GFPT1: variants seen among roughly 807,000 people sequenced by gnomAD.
GFPT1 encodes glutamine--fructose-6-phosphate aminotransferase [isomerizing] 1.
Under a neutral mutation model 92.0 loss-of-function variants are expected in GFPT1, and 40 were observed. That is an observed-to-expected ratio of 0.43 (90% confidence interval 0.34 to 0.57). GFPT1 has a LOEUF of 0.57. GFPT1 is among the 20% of genes least tolerant of loss of function. The pLI is 0.02. For synonymous variants in GFPT1, 269 were observed against 280.6 expected, an observed-to-expected ratio of 0.96 and a Z score of 0.41; for missense variants, 448 against 869.1, an observed-to-expected ratio of 0.52 and a Z score of 6.09.
At chr2:69,367,344 TTTGTTGTTG>T (rs144120046) in intron 3 of GFPT1, among the ~76,000 whole-genome samples, 9 of 150,360 alleles carry the variant, frequency 6.0e-5, no homozygotes, top group South Asian at 4.2e-4. Context: ...CAACTTATTT[TTTGTTGTTG>T]TTGTTGTTGT....
In GFPT1 at chr2:69,348,371, C is replaced by G. The variant is rs376360519; in HGVS notation, c.846-37G>C. On this transcript the variant is annotated intron_variant, in intron 10 of 19. Coordinates refer to ENST00000357308, the MANE Select transcript of GFPT1 (RefSeq NM_001244710.2). ...TCAAGGAGATATTACAATCGATAACCAAGGATCATTATTACAAATGAAACT... is the reference window on the plus strand; with the variant it reads ...TCAAGGAGATATTACAATCGATAACGAAGGATCATTATTACAAATGAAACT... 48 of 1,474,396 alleles carry G rather than the reference C, an allele frequency of 3.3e-5. No individual in the cohort carries two copies. In the African/African-American group the frequency reaches 6.2e-4, roughly 19 times the overall value. The allele number at this position is 1,474,396 out of a possible 1,614,324, so 91.3% of individuals were successfully genotyped here. A position where few individuals can be genotyped will look rare whatever the true frequency, so the allele number is the denominator to read the frequency against.
At chr2:69,375,177 C>T (rs1305644672) in intron 1 of GFPT1, among the ~76,000 whole-genome samples, 1 of 152,140 alleles carries the variant, frequency 6.6e-6, no homozygotes, top group Admixed American at 6.5e-5. Context: ...CCAGAGTGGA[C>T]ACAGCTTTAA....
intron 7 of GFPT1, among the ~76,000 whole-genome samples, chr2:69,355,934 C>T (rs912319202): frequency 2.7e-5 from 4 of 150,760 alleles, no homozygotes; most frequent in African/African-American, 9.8e-5. Context: ...AACCTTGGTG[C>T]GCCCAACAAA....
chr2:69,360,114 G>A (rs1671429685), intron 4 of GFPT1, among the ~76,000 whole-genome samples: 1 of 152,074 alleles, frequency 6.6e-6, no homozygotes, highest in African/African-American at 2.4e-5. Flanking sequence ...GACCACCTGA[G>A]GTCAGGAGTT....
intron 4 of GFPT1, among the ~76,000 whole-genome samples, 200 bp from the exon 5 acceptor site, chr2:69,359,526 T>C (rs560796630): frequency 3.3e-5 from 5 of 152,318 alleles, no homozygotes; most frequent in East Asian, 3.9e-4. Context: ...TTATGTGGCA[T>C]AGCTGAAGCA....
At chr2:69,326,271 A>G in intron 19 of GFPT1, 38 bp from the exon 20 acceptor site, 3 of 1,450,146 alleles carry the variant, frequency 2.1e-6, no homozygotes, top group Non-Finnish European at 2.9e-6. Flanking sequence ...GATTTGAGAG[A>G]TTATATAGAC....
At chr2:69,380,603 A>G (rs529032717) in intron 1 of GFPT1, among the ~76,000 whole-genome samples, 7 of 152,072 alleles carry the variant, frequency 4.6e-5, no homozygotes, top group African/African-American at 7.2e-5. Context: ...CTTTCTTGAG[A>G]AAAAAAAGCA....
intron 1 of GFPT1, among the ~76,000 whole-genome samples, chr2:69,385,800 G>A (rs752348069): frequency 7.2e-5 from 11 of 151,946 alleles, no homozygotes; most frequent in Non-Finnish European, 1.5e-4. Context: ...AATAATTTCA[G>A]TAAGCTATTT....
chr2:69,352,940 G>A (rs1671247254), intron 9 of GFPT1, among the ~76,000 whole-genome samples: 1 of 151,932 alleles, frequency 6.6e-6, no homozygotes, highest in African/African-American at 2.4e-5. Flanking sequence ...CAGCTACTCT[G>A]GAGGCTGAGG....
In GFPT1 at chr2:69,329,364, T is replaced by C; in HGVS notation, c.1658A>G (p.Tyr553Cys). The change falls in exon 17 of 20, where the codon TAT becomes TGT. Residue 553 changes from tyrosine (Y) to cysteine (C), a missense_variant. By Grantham distance (194) the Tyr-to-Cys change is radical. Coordinates refer to ENST00000357308, the MANE Select transcript of GFPT1 (RefSeq NM_001244710.2). ...DEIQKLATELYHQKSVLIMGR... is the reference protein window; with the variant it reads ...DEIQKLATELCHQKSVLIMGR... Reference sequence around the variant, plus strand: ...CATTATCAGAACTGACTTCTGATGATAAAGTTCTGTTGCTAGTTTCTGAAT... The same window carrying C: ...CATTATCAGAACTGACTTCTGATGACAAAGTTCTGTTGCTAGTTTCTGAAT... The C allele has an allele frequency of 6.2e-7, 1 of 1,611,536 alleles. No individual in the cohort carries two copies. Among genetic ancestry groups the C allele is most frequent in the South Asian group, 1.1e-5 (1 of 91,032 alleles).
At chr2:69,345,818 A>G in intron 12 of GFPT1, 86 bp downstream of exon 12, 1 of 808,224 alleles carries the variant, frequency 1.2e-6, no homozygotes, top group East Asian at 2.5e-5. Flanking sequence ...CTACAAGGCT[A>G]TTAAGGGCAA....
Position 69,321,014 on chromosome 2 carries a change from T to C in GFPT1, c.*5175A>G, listed in dbSNP as rs1305422149. The C allele has an allele frequency of 2.0e-5, 3 of 152,226 alleles. No individual in the cohort carries two copies. The highest frequency in any genetic ancestry group is 4.4e-5 in the Non-Finnish European group (3 of 68,040). The allele number at this position is 152,226 out of a possible 1,614,324, so 9.4% of individuals were successfully genotyped here. A position where few individuals can be genotyped will look rare whatever the true frequency, so the allele number is the denominator to read the frequency against. ...CAGCAGGTGCTATAACCACTAGGGA[T>C]AGACTCTAGCTTGCTGTTCATAAAA... On this transcript the variant is annotated 3_prime_UTR_variant, in exon 20 of 20. Coordinates refer to ENST00000357308, the MANE Select transcript of GFPT1 (RefSeq NM_001244710.2).
intron 13 of GFPT1, among the ~76,000 whole-genome samples, chr2:69,339,643 A>G (rs114705228): frequency 3.1e-3 from 469 of 152,252 alleles, no homozygotes; most frequent in Non-Finnish European, 4.9e-3. Context: ...GGCCCTCCCC[A>G]TCTCTCACCC....
chr2:69,354,847 T>C (rs953345869), intron 7 of GFPT1, among the ~76,000 whole-genome samples: 2 of 152,046 alleles, frequency 1.3e-5, no homozygotes, highest in African/African-American at 4.8e-5. Context: ...CAAAACCCCG[T>C]CTCCTAATTA....
At chr2:69,360,328 C>CAAAA in intron 4 of GFPT1, among the ~76,000 whole-genome samples, 1 of 78,424 alleles carries the variant, frequency 1.3e-5, no homozygotes, top group South Asian at 3.8e-4. Flanking sequence ...GATTCTGTCT[C>CAAAA]AAAAAAAAAA....
intron 1 of GFPT1, among the ~76,000 whole-genome samples, chr2:69,382,374 G>A (rs1002390024): frequency 1.3e-5 from 2 of 152,062 alleles, no homozygotes; most frequent in South Asian, 2.1e-4. Flanking sequence ...TGTAGGTCAG[G>A]AACCACAGCT....
At chr2:69,364,636 G>C (rs35392088) in intron 3 of GFPT1, among the ~76,000 whole-genome samples, 13 of 152,178 alleles carry the variant, frequency 8.5e-5, no homozygotes, top group Non-Finnish European at 1.6e-4. Flanking sequence ...TTTAAGAACC[G>C]AGCAATGCTA....
intron 3 of GFPT1, among the ~76,000 whole-genome samples, chr2:69,364,994 CAAAAAAAAAAAAAAAA>C (rs58848043): frequency 9.1e-5 from 4 of 44,168 alleles, no homozygotes; most frequent in Middle Eastern, 0.017. Flanking sequence ...GACTCCCTCT[CAAAAAAAAAAAAAAAA>C]AAAAAAAAAA....
intron 1 of GFPT1, among the ~76,000 whole-genome samples, chr2:69,376,768 TA>T (rs1671881863): frequency 6.6e-6 from 1 of 152,124 alleles, no homozygotes; most frequent in African/African-American, 2.4e-5. Context: ...AGCCAGATGA[TA>T]AAAATGAAAG....
Sources: gnomAD v4.1 joint callset for allele counts (sites outside exome capture counted in the v4.1 genomes callset) on GRCh38, gnomAD v4.1.1 for gene constraint, MANE v1.5 for transcripts, NCBI Gene and HGNC (gene_info 2026-07-23, HGNC 2026-07-21) for gene names.